The following ZMYM4 variants were observed in gnomAD, a reference collection of about 807,000 sequenced individuals.
ZMYM4 encodes the protein zinc finger MYM-type protein 4.
In ZMYM4, 31 loss-of-function variants were observed where a neutral mutation model predicts 183.2. That is an observed-to-expected ratio of 0.17 (90% CI 0.13 to 0.23). The LOEUF is 0.23. Among genes scored for constraint, ZMYM4 ranks in the 10% least tolerant of loss-of-function variants. The pLI, the probability that ZMYM4 is intolerant of heterozygous loss-of-function variation, is 1.00. For synonymous variants in ZMYM4, 592 were observed against 631.2 expected, an observed-to-expected ratio of 0.94 and a Z score of 0.93; for missense variants, 1,273 against 1,840.3, an observed-to-expected ratio of 0.69 and a Z score of 5.64.
In ZMYM4 at chr1:35,419,535, A is replaced by G; in HGVS notation, c.4505A>G (p.Asn1502Ser). 6.2e-7 allele frequency: 1 copy of G among 1,614,092 alleles called. No individual in the cohort carries two copies. The highest frequency in any genetic ancestry group is 1.1e-5 in the South Asian group (1 of 91,076). Residue 1502 changes from asparagine to serine, a missense_variant, in exon 30 of 30, where the codon AAT becomes AGT. Transcript: ENST00000314607. ...CAACCTGAGCGCTCCTGTGTCCCGA[A>G]TAGCCCCATGTGGTACTCCACATTC... The part of the protein sequence containing the change: ...YLQPERSCVP[N>S]SPMWYSTFPI...
chr1:35,352,041 T>G (rs975999305), intron 2 of ZMYM4, among the ~76,000 whole-genome samples: 1 of 152,192 alleles, frequency 6.6e-6, no homozygotes, highest in African/African-American at 2.4e-5. Context: ...TTATTAGAGC[T>G]TTCTTGTAAG....
chr1:35,381,924 C>T (rs1570484971), intron 9 of ZMYM4, among the ~76,000 whole-genome samples, 166 bp downstream of exon 9: 1 of 151,950 alleles, frequency 6.6e-6, no homozygotes, highest in Non-Finnish European at 1.5e-5. Context: ...GCGGGCAGAT[C>T]ACCTGAGGTT....
chr1:35,380,420 C>T (rs956830968), intron 7 of ZMYM4, among the ~76,000 whole-genome samples: 6 of 152,092 alleles, frequency 3.9e-5, no homozygotes, highest in Admixed American at 6.6e-5. Flanking sequence ...CTCCGCTTCC[C>T]GGGTTCATGC....
At chr1:35,278,625 C>CT (rs1254896811) in intron 1 of ZMYM4, among the ~76,000 whole-genome samples, 2 of 152,062 alleles carry the variant, frequency 1.3e-5, no homozygotes, top group Non-Finnish European at 2.9e-5. Flanking sequence ...CGGGGTTTCA[C>CT]TATGTTAGGA....
intron 1 of ZMYM4, among the ~76,000 whole-genome samples, chr1:35,303,465 G>T (rs147739729): frequency 6.6e-6 from 1 of 152,166 alleles, no homozygotes; most frequent in Non-Finnish European, 1.5e-5. Flanking sequence ...GAGTACAGTG[G>T]CACAATATCG....
chr1:35,411,132 C>A (rs1166237047), intron 26 of ZMYM4, among the ~76,000 whole-genome samples: 3 of 151,648 alleles, frequency 2.0e-5, no homozygotes, highest in African/African-American at 7.3e-5. Flanking sequence ...AATCTTTTGA[C>A]CAAATATAGA....
intron 7 of ZMYM4, 147 bp from the exon 8 acceptor site, chr1:35,381,112 C>T: frequency 1.6e-6 from 1 of 614,104 alleles, no homozygotes. Flanking sequence ...TTAAGTGTCT[C>T]CCAGAAAATT....
In ZMYM4 at chr1:35,325,440, T is replaced by C. The variant is rs751947009; in HGVS notation, c.85+35T>C. 10 of 1,584,516 alleles carry C rather than the reference T, an allele frequency of 6.3e-6. No individual in the cohort carries two copies. In the East Asian group the frequency reaches 2.0e-4, roughly 32 times the overall value. ...ATTTGAGAAAAAACAATCATGTCTTTAGATAGAAAATGAATGTTAATCTAG... is the reference window on the plus strand; with the variant it reads ...ATTTGAGAAAAAACAATCATGTCTTCAGATAGAAAATGAATGTTAATCTAG... On this transcript the variant is annotated intron_variant, in intron 2 of 29. Transcript: ENST00000314607.
intron 1 of ZMYM4, among the ~76,000 whole-genome samples, chr1:35,286,672 C>G (rs949626893): frequency 6.7e-6 from 1 of 148,836 alleles, no homozygotes. Context: ...GATCACGGCT[C>G]ACTGAAGGCT....
In ZMYM4 at chr1:35,398,942, A is replaced by G. The variant is rs1180061324; in HGVS notation, c.3332A>G (p.His1111Arg). The G allele has an allele frequency of 3.7e-6, 6 of 1,614,068 alleles. No individual in the cohort carries two copies. Among genetic ancestry groups the G allele is most frequent in the Non-Finnish European group, 5.1e-6 (6 of 1,180,016 alleles). Residue 1111 changes from histidine (H) to arginine (R), a missense_variant, in exon 22 of 30, where the codon CAC becomes CGC. By Grantham distance (29) the His-to-Arg change is conservative. Around this residue, in one of 6 missense-constraint regions of ZMYM4, gnomAD observed 290 missense variants for 353.3 expected, o/e 0.82. Transcript: ENST00000314607. ...TPHSWEEELN[H>R]YALKSNAVQE... The stretch of plus-strand genomic sequence containing the variant: ...CATAGCTGGGAGGAAGAGCTGAATC[A>G]CTATGCCTTAAAGTCAAATGCTGTG...
intron 2 of ZMYM4, among the ~76,000 whole-genome samples, chr1:35,330,985 G>A (rs2148832789): frequency 6.6e-6 from 1 of 152,266 alleles, no homozygotes; most frequent in Non-Finnish European, 1.5e-5. Context: ...TGGAGCATCA[G>A]CATCAGTTTG....
At position 35,413,546 on chromosome 1, in the gene ZMYM4, T is replaced by A. The variant is rs1570556162; in HGVS notation, c.3949-426T>A. Reference sequence around the variant, plus strand: ...GGTCAACTGACATTAGCTAACTGTGTGATTGCAAGAAATGATCTTGTATCT... The same window carrying A: ...GGTCAACTGACATTAGCTAACTGTGAGATTGCAAGAAATGATCTTGTATCT... On this transcript the variant is annotated intron_variant, in intron 26 of 29. Coordinates refer to ENST00000314607, the MANE Select transcript of ZMYM4 (RefSeq NM_005095.3). Among the ~76,000 whole-genome samples, 3 of 152,210 alleles carry A rather than the reference T, an allele frequency of 2.0e-5. No individual in the cohort carries two copies. In the South Asian group the frequency reaches 6.2e-4, roughly 31 times the overall value.
intron 2 of ZMYM4, among the ~76,000 whole-genome samples, chr1:35,331,129 TAAA>T (rs1642728479): frequency 6.6e-6 from 1 of 152,106 alleles, no homozygotes; most frequent in South Asian, 2.1e-4. Context: ...AAAAACTACT[TAAA>T]AATTTTTGTT....
intron 2 of ZMYM4, among the ~76,000 whole-genome samples, chr1:35,328,453 A>ATT (rs1446235409): frequency 1.5e-5 from 2 of 132,016 alleles, no homozygotes; most frequent in East Asian, 2.5e-4. Context: ...CTAATTTTTT[A>ATT]ATTTTTTTTT....
chr1:35,372,661 G>A (rs375232143), intron 7 of ZMYM4, among the ~76,000 whole-genome samples: 20 of 152,230 alleles, frequency 1.3e-4, no homozygotes, highest in African/African-American at 4.3e-4. Context: ...GGGACCAGAG[G>A]TGTTTCAGAT....
chr1:35,394,367 T>G (rs1001256597), intron 18 of ZMYM4, among the ~76,000 whole-genome samples: 9 of 151,504 alleles, frequency 5.9e-5, no homozygotes, highest in Admixed American at 5.9e-4. Context: ...TTTCCTAGGG[T>G]AGAGCCTCCA....
intron 7 of ZMYM4, among the ~76,000 whole-genome samples, chr1:35,379,543 G>A (rs141033916): frequency 6.6e-6 from 1 of 152,222 alleles, no homozygotes. Context: ...GCCAACTGTT[G>A]CGCTTTCTTA....
intron 23 of ZMYM4, among the ~76,000 whole-genome samples, chr1:35,402,379 G>C (rs528486418): frequency 1.3e-5 from 2 of 152,212 alleles, no homozygotes; most frequent in African/African-American, 4.8e-5. Context: ...ACTTTGGGAG[G>C]CTAAGGCAGA....
At chr1:35,302,134 G>T (rs1411850369) in intron 1 of ZMYM4, among the ~76,000 whole-genome samples, 1 of 150,596 alleles carries the variant, frequency 6.6e-6, no homozygotes, top group Non-Finnish European at 1.5e-5. Context: ...ACAAGCTGTA[G>T]CTCACAGGCC....
Sources: gnomAD v4.1 joint callset for allele counts (sites outside exome capture counted in the v4.1 genomes callset) on GRCh38, gnomAD v4.1.1 for gene constraint, gnomAD v4.1.1 regional missense constraint, MANE v1.5 for transcripts, NCBI Gene and HGNC (gene_info 2026-07-23, HGNC 2026-07-21) for gene names.